Variants in RBM25 observed in about 807,000 individuals in gnomAD.
The protein encoded by RBM25 is RNA binding motif protein 25, also known as RNA-binding protein 25.
Under a neutral mutation model 120.7 loss-of-function variants are expected in RBM25, and 19 were observed. The observed-to-expected ratio is 0.16, with a 90% CI of 0.11 to 0.23. The LOEUF is 0.23. RBM25 is among the 10% of genes least tolerant of loss of function. The pLI, the probability that RBM25 is intolerant of heterozygous loss-of-function variation, is 1.00. For synonymous variants in RBM25, 390 were observed against 326.7 expected (o/e 1.19, Z -2.09); for missense variants, 605 against 1,041.5 (o/e 0.58, Z 5.77).
At chr14:73,088,329 T>C in intron 6 of RBM25, 168 bp downstream of exon 6, 2 of 866,264 alleles carry the variant, frequency 2.3e-6, no homozygotes, top group Non-Finnish European at 3.7e-6. Flanking sequence ...AAGTCTTATC[T>C]GCCCATAGTG....
intron 7 of RBM25, among the ~76,000 whole-genome samples, chr14:73,098,993 C>A (rs975750939): frequency 6.6e-6 from 1 of 152,154 alleles, no homozygotes; most frequent in Non-Finnish European, 1.5e-5. Context: ...CTGTAGAATT[C>A]ATTCTTCCTC....
At chr14:73,116,072 G>T (rs934741282) in intron 18 of RBM25, among the ~76,000 whole-genome samples, 5 of 146,864 alleles carry the variant, frequency 3.4e-5, no homozygotes, top group South Asian at 2.2e-4. Context: ...CCATGGAGTT[G>T]TTTTTTTTTT....
At chr14:73,103,133 A>G (rs1896087208) in intron 9 of RBM25, 59 bp from the exon 10 acceptor site, 1 of 1,558,194 alleles carries the variant, frequency 6.4e-7, no homozygotes. Context: ...TTGCGCCGGG[A>G]AAAATCTGAA....
chr14:73,120,003 T>C lies in RBM25; in HGVS notation c.*198T>C, dbSNP rs1896511787. The C allele has an allele frequency of 1.4e-6, 1 of 690,280 alleles. No individual in the cohort carries two copies. Among genetic ancestry groups the C allele is most frequent in the Non-Finnish European group, 2.1e-6 (1 of 466,444 alleles). 42.8% of individuals were successfully genotyped at this position (690,280 alleles called of 1,614,324 possible). ...GTAAAGTCATCTGAATCCTTGGTTC[T>C]CTTTATACTCACCAGGTACAAATTA... On this transcript the variant is annotated 3_prime_UTR_variant, in exon 19 of 19. Coordinates refer to ENST00000261973, the MANE Select transcript of RBM25 (RefSeq NM_021239.3).
intron 4 of RBM25, among the ~76,000 whole-genome samples, chr14:73,080,823 C>CTTT (rs35197238): frequency 1.1e-4 from 15 of 139,934 alleles, no homozygotes; most frequent in Admixed American, 2.8e-4. Context: ...TTCTTTCTTT[C>CTTT]TTTTTTTTTT....
At chr14:73,088,199 T>G (rs377566986) in intron 6 of RBM25, 38 bp downstream of exon 6, 2 of 1,609,610 alleles carry the variant, frequency 1.2e-6, no homozygotes, top group African/African-American at 2.7e-5. Context: ...TAGGCCAGAC[T>G]GTGCTATTTC....
intron 1 of RBM25, chr14:73,059,155 A>G (rs995799836): frequency 1.3e-5 from 2 of 151,782 alleles, no homozygotes; most frequent in African/African-American, 4.8e-5. Flanking sequence ...GTTAGCCTCT[A>G]CCCACCCTTT....
At position 73,099,362 on chromosome 14, in the gene RBM25, TG is replaced by T; in HGVS notation, c.730-16del. 6.3e-7 allele frequency: 1 copy of T among 1,593,964 alleles called. No individual in the cohort carries two copies. The highest frequency in any genetic ancestry group is 8.5e-7 in the Non-Finnish European group (1 of 1,175,322). On this transcript the variant is annotated splice_polypyrimidine_tract_variant and intron_variant, in intron 7 of 18. Coordinates refer to ENST00000261973, the MANE Select transcript of RBM25 (RefSeq NM_021239.3). The stretch of plus-strand genomic sequence containing the variant: ...GTTTTTCTTTTTTAAAAAAGATTCT[TG>T]GTGGATTTTTTCACAGATTTTCCGC...
intron 1 of RBM25, among the ~76,000 whole-genome samples, chr14:73,064,755 A>G (rs943748951): frequency 6.6e-6 from 1 of 151,126 alleles, no homozygotes; most frequent in African/African-American, 2.4e-5. Context: ...TTTTGCCTTC[A>G]CCTTTGAAGT....
intron 1 of RBM25, chr14:73,068,059 G>T (rs533470797): frequency 2.0e-6 from 1 of 512,056 alleles, no homozygotes; most frequent in South Asian, 2.0e-5. Flanking sequence ...CTGGTTTAGC[G>T]TGAGCAGTGA....
intron 17 of RBM25, 128 bp from the exon 18 acceptor site, chr14:73,114,158 A>G: frequency 1.6e-6 from 1 of 644,798 alleles, no homozygotes; most frequent in Non-Finnish European, 2.5e-6. Context: ...AAATTAAAAC[A>G]TTTATAGAAT....
intron 2 of RBM25, among the ~76,000 whole-genome samples, 154 bp downstream of exon 2, chr14:73,071,901 G>A (rs890821371): frequency 2.0e-5 from 3 of 152,000 alleles, no homozygotes; most frequent in Non-Finnish European, 4.4e-5. Flanking sequence ...TATAGCAGTA[G>A]CTTTTATATC....
chr14:73,099,500 T>A, intron 8 of RBM25, 67 bp downstream of exon 8: 1 of 1,587,258 alleles, frequency 6.3e-7, no homozygotes, highest in South Asian at 1.2e-5. Context: ...GTCATTCTTG[T>A]CTATCTGATT....
intron 1 of RBM25, among the ~76,000 whole-genome samples, chr14:73,070,477 A>G (rs1442876239): frequency 6.6e-6 from 1 of 151,562 alleles, no homozygotes; most frequent in Non-Finnish European, 1.5e-5. Flanking sequence ...TTCTCTTGTC[A>G]AAAGTTGTAT....
intron 1 of RBM25, among the ~76,000 whole-genome samples, chr14:73,065,443 TG>T (rs1895107776): frequency 6.7e-6 from 1 of 148,714 alleles, no homozygotes; most frequent in African/African-American, 2.5e-5. Context: ...TTTTTTTTTT[TG>T]AAACTGAGTC....
intron 6 of RBM25, among the ~76,000 whole-genome samples, chr14:73,095,925 T>C (rs1895932532): frequency 6.6e-6 from 1 of 152,188 alleles, no homozygotes; most frequent in South Asian, 2.1e-4. Flanking sequence ...TGTAGCACAT[T>C]AGAAGCCAAC....
intron 13 of RBM25, among the ~76,000 whole-genome samples, chr14:73,108,494 C>CA (rs1156301101): frequency 6.6e-6 from 1 of 152,224 alleles, no homozygotes; most frequent in African/African-American, 2.4e-5. Flanking sequence ...ACAGTTGTGA[C>CA]AACTGCCTTC....
chr14:73,097,192 T>TTTTA, intron 7 of RBM25, 92 bp downstream of exon 7: 2 of 428,872 alleles, frequency 4.7e-6, no homozygotes, highest in Non-Finnish European at 5.9e-6. Context: ...TTCTTTTTTC[T>TTTTA]TTTCTTTTTT....
rs1896571584 is a variant in RBM25, at chr14:73,123,678, GA to G, written c.*3874del. 1.3e-5 allele frequency: 2 copies of G among 152,116 alleles called. No homozygotes were observed. The highest frequency in any genetic ancestry group is 6.5e-5 in the Admixed American group (1 of 15,268). 9.4% of individuals were successfully genotyped at this position (152,116 alleles called of 1,614,324 possible). A position where few individuals can be genotyped will look rare whatever the true frequency, so the allele number is the denominator to read the frequency against. ...ACTTACACTTTTTGATAAACTGATA[GA>G]TTTTTTGTAATGTGATTATGGTAAA... On this transcript the variant is annotated 3_prime_UTR_variant, in exon 19 of 19. Coordinates refer to ENST00000261973, the MANE Select transcript of RBM25 (RefSeq NM_021239.3).
Sources: allele counts gnomAD v4.1 joint callset (sites outside exome capture counted in the v4.1 genomes callset), GRCh38; gene constraint gnomAD v4.1.1; transcripts MANE v1.5; gene names NCBI Gene and HGNC (gene_info 2026-07-23, HGNC 2026-07-21).